DPP6: variants seen among roughly 807,000 people sequenced by gnomAD.
DPP6 encodes A-type potassium channel modulatory protein DPP6.
DPP6 carries 69 observed loss-of-function variants against 122.6 expected under a neutral mutation model. That is an observed-to-expected ratio of 0.56 (90% CI 0.46 to 0.69). The LOEUF (loss-of-function observed/expected upper bound fraction) is 0.69, where lower values mean the gene tolerates loss of function less well. Ranked by LOEUF, DPP6 falls within the 30% of genes least tolerant of loss-of-function variation. The pLI, the probability that DPP6 is intolerant of heterozygous loss-of-function variation, is 0.00. For synonymous variants in DPP6, 418 were observed against 433.1 expected (o/e 0.97, Z 0.43); for missense variants, 928 against 1,116.9 (o/e 0.83, Z 2.41).
chr7:154,441,526 T>C (rs1819371311), intron 1 of DPP6, among the ~76,000 whole-genome samples: 1 of 152,198 alleles, frequency 6.6e-6, no homozygotes, highest in African/African-American at 2.4e-5. Context: ...AGTTCTCATT[T>C]GAATCTTCTC....
intron 1 of DPP6, among the ~76,000 whole-genome samples, chr7:154,355,251 CA>C (rs1446484660): frequency 2.0e-5 from 3 of 152,164 alleles, no homozygotes; most frequent in African/African-American, 2.4e-5. Context: ...ACTTGAACTA[CA>C]AAAGTTATTT....
At chr7:154,583,697 G>T (rs556383063) in intron 5 of DPP6, among the ~76,000 whole-genome samples, 1 of 152,106 alleles carries the variant, frequency 6.6e-6, no homozygotes, top group Non-Finnish European at 1.5e-5. Context: ...CATATGATTC[G>T]TGCGCACACT....
the DPP6 span, among the ~76,000 whole-genome samples, chr7:153,789,760 A>G: frequency 1.3e-5 from 2 of 152,176 alleles, no homozygotes; most frequent in African/African-American, 4.8e-5. Flanking sequence ...TTACCACTGT[A>G]TTGTCAACAT....
At chr7:154,578,507 TTGGCAGGGGCTATTCGGG>T (rs1831834032) in intron 5 of DPP6, among the ~76,000 whole-genome samples, 3 of 1,754 alleles carry the variant, frequency 1.7e-3, no homozygotes, top group African/African-American at 5.5e-3. Flanking sequence ...CTATTCGGGC[TTGGCAGGGGCTATTCGGG>T]CTTGGCAGGC....
chr7:153,922,420 G>A (rs1005343049), intron 1 of DPP6, among the ~76,000 whole-genome samples: 2 of 148,348 alleles, frequency 1.3e-5, no homozygotes, highest in Non-Finnish European at 2.9e-5. Flanking sequence ...GATCACCTGA[G>A]CCTGGGAGGT....
intron 1 of DPP6, among the ~76,000 whole-genome samples, chr7:154,275,117 C>T (rs1404675565): frequency 6.6e-6 from 1 of 152,262 alleles, no homozygotes; most frequent in Non-Finnish European, 1.5e-5. Flanking sequence ...TACTGCCCGC[C>T]TGGCCTGGTG....
intron 1 of DPP6, among the ~76,000 whole-genome samples, chr7:153,931,219 A>T (rs1585048741): frequency 2.0e-5 from 3 of 152,340 alleles, no homozygotes; most frequent in Middle Eastern, 3.4e-3. Context: ...ATCACTGTGG[A>T]TAAGAGTCAG....
intron 1 of DPP6, among the ~76,000 whole-genome samples, chr7:154,155,532 G>A (rs537222399): frequency 3.3e-5 from 5 of 152,322 alleles, no homozygotes; most frequent in African/African-American, 1.2e-4. Context: ...GTGAGTAACT[G>A]TGTGTCCAGA....
chr7:154,452,468 G>A (rs1757457960), intron 2 of DPP6, among the ~76,000 whole-genome samples: 1 of 152,216 alleles, frequency 6.6e-6, no homozygotes, highest in African/African-American at 2.4e-5. Context: ...ACAGTGTTGA[G>A]TGCGTTCCTA....
At chr7:154,546,259 A>C (rs912037609) in intron 4 of DPP6, among the ~76,000 whole-genome samples, 4 of 152,218 alleles carry the variant, frequency 2.6e-5, no homozygotes, top group African/African-American at 9.6e-5. Context: ...GTGAACACTG[A>C]ACTATGAAAA....
At chr7:154,738,146 G>A (rs928190775) in intron 8 of DPP6, among the ~76,000 whole-genome samples, 4 of 152,192 alleles carry the variant, frequency 2.6e-5, no homozygotes, top group Admixed American at 6.5e-5. Flanking sequence ...AGATGTCTGC[G>A]TGCCCAGCAC....
chr7:153,965,527 T>A (rs1795655421), intron 1 of DPP6, among the ~76,000 whole-genome samples: 1 of 152,174 alleles, frequency 6.6e-6, no homozygotes. Flanking sequence ...ATTTTTTATT[T>A]TTTGAGATGG....
chr7:154,587,885 C>A, intron 5 of DPP6: 1 of 1,612,890 alleles, frequency 6.2e-7, no homozygotes, highest in Non-Finnish European at 8.5e-7. Context: ...CCATGGAGAC[C>A]CTGGCTGGAG....
Position 153,978,364 on chromosome 7 carries a change from G to A in DPP6, c.51+90630G>A, listed in dbSNP as rs578190556. Among the ~76,000 whole-genome samples the A allele has an allele frequency of 8.6e-5, 13 of 151,540 alleles. No individual in the cohort carries two copies. In the South Asian group the frequency reaches 2.1e-3, roughly 24 times the overall value. ...GCATAAATGTCTTCGTTTGAAAAGTGTCTGTTCATATCCTTTGCCCACTTT... is the reference window on the plus strand; with the variant it reads ...GCATAAATGTCTTCGTTTGAAAAGTATCTGTTCATATCCTTTGCCCACTTT... On this transcript the variant is annotated intron_variant, in intron 1 of 25. Transcript: ENST00000404039.
At chr7:154,117,611 G>A (rs1807085139) in intron 1 of DPP6, among the ~76,000 whole-genome samples, 2 of 152,196 alleles carry the variant, frequency 1.3e-5, no homozygotes, top group African/African-American at 4.8e-5. Flanking sequence ...CTGGGAACCT[G>A]CCAGCTCGCC....
intron 1 of DPP6, among the ~76,000 whole-genome samples, chr7:153,984,225 T>A (rs1171368891): frequency 6.6e-6 from 1 of 152,182 alleles, no homozygotes; most frequent in African/African-American, 2.4e-5. Flanking sequence ...GAGCTATTTC[T>A]CCTTATGTCT....
At chr7:153,793,880 C>T in the DPP6 span, among the ~76,000 whole-genome samples, 1 of 152,148 alleles carries the variant, frequency 6.6e-6, no homozygotes, top group Admixed American at 6.5e-5. Flanking sequence ...CGGGCCGTAG[C>T]CTCAGAAGGT....
intron 1 of DPP6, among the ~76,000 whole-genome samples, chr7:154,427,480 AC>A (rs1818009673): frequency 6.6e-6 from 1 of 152,216 alleles, no homozygotes; most frequent in African/African-American, 2.4e-5. Context: ...ATAACCTTCA[AC>A]TGTCAGAAGA....
At chr7:154,140,351 A>T (rs1200418065) in intron 1 of DPP6, among the ~76,000 whole-genome samples, 2 of 152,240 alleles carry the variant, frequency 1.3e-5, no homozygotes, top group African/African-American at 4.8e-5. Context: ...ACTCTGACGG[A>T]TTACCACAAG....
Sources: gnomAD v4.1 joint callset for allele counts (sites outside exome capture counted in the v4.1 genomes callset) on GRCh38, gnomAD v4.1.1 for gene constraint, MANE v1.5 for transcripts, NCBI Gene and HGNC (gene_info 2026-07-23, HGNC 2026-07-21) for gene names.